The following LRRC37A2 variants were observed in gnomAD, a reference collection of about 807,000 sequenced individuals.
LRRC37A2 encodes the protein leucine rich repeat containing 37 member A2, also known as leucine-rich repeat-containing protein 37A2.
Under a neutral mutation model 68.8 loss-of-function variants are expected in LRRC37A2, and 9 were observed. The ratio of observed to expected loss-of-function variants is 0.13; its 90% confidence interval spans 0.08 to 0.23. LRRC37A2 has a LOEUF of 0.23. Ranked by LOEUF, LRRC37A2 falls within the 10% of genes least tolerant of loss-of-function variation. The pLI, the probability that LRRC37A2 is intolerant of heterozygous loss-of-function variation, is 1.00. For synonymous variants in LRRC37A2, 63 were observed against 367.6 expected (o/e 0.17, Z 9.48); for missense variants, 168 against 950.4 (o/e 0.18, Z 10.82).
the LRRC37A2 span, among the ~76,000 whole-genome samples, chr17:46,853,970 G>A: frequency 6.6e-6 from 1 of 152,058 alleles, no homozygotes; most frequent in Admixed American, 6.6e-5. Context: ...CCTTGAAAAT[G>A]ACATGTGAGA....
the LRRC37A2 span, among the ~76,000 whole-genome samples, chr17:46,967,304 G>T: frequency 2.0e-5 from 3 of 152,282 alleles, no homozygotes; most frequent in South Asian, 6.2e-4. Context: ...ACCCTTGCTG[G>T]GCTTCAGTTT....
At chr17:46,890,836 A>G in the LRRC37A2 span, among the ~76,000 whole-genome samples, 1 of 152,260 alleles carries the variant, frequency 6.6e-6, no homozygotes, top group Admixed American at 6.5e-5. Context: ...GGTTGGATGC[A>G]AGGAAGGAAG....
At chr17:46,862,291 C>T in the LRRC37A2 span, among the ~76,000 whole-genome samples, 2 of 152,002 alleles carry the variant, frequency 1.3e-5, no homozygotes, top group East Asian at 3.9e-4. Flanking sequence ...GGTAACGTAT[C>T]GTATATTCCA....
At chr17:46,815,787 C>G in the LRRC37A2 span, among the ~76,000 whole-genome samples, 478 of 152,300 alleles carry the variant, frequency 3.1e-3, 3 homozygotes, top group African/African-American at 0.011. Flanking sequence ...CCAGCTGTGC[C>G]CCCTGCAGCC....
the LRRC37A2 span, among the ~76,000 whole-genome samples, chr17:46,752,444 G>T: frequency 6.6e-6 from 1 of 152,046 alleles, no homozygotes; most frequent in African/African-American, 2.4e-5. Flanking sequence ...AAGGTGCTCA[G>T]TAAACTTTTA....
the LRRC37A2 span, among the ~76,000 whole-genome samples, chr17:47,038,972 G>A: frequency 2.1e-5 from 3 of 144,688 alleles, no homozygotes; most frequent in African/African-American, 7.4e-5. Flanking sequence ...GGGATTACAG[G>A]CCTGAGCCAC....
the LRRC37A2 span, among the ~76,000 whole-genome samples, chr17:46,715,529 TA>T: frequency 2.0e-5 from 3 of 152,236 alleles, no homozygotes; most frequent in Non-Finnish European, 4.4e-5. Context: ...TTGCAGATGG[TA>T]AATTACTCCA....
chr17:46,848,332 A>G, the LRRC37A2 span, among the ~76,000 whole-genome samples: 1 of 152,238 alleles, frequency 6.6e-6, no homozygotes, highest in African/African-American at 2.4e-5. Context: ...TAAAAAGGCC[A>G]CAAACCAGGG....
the LRRC37A2 span, chr17:46,978,570 A>T: frequency 1.3e-6 from 2 of 1,487,458 alleles, no homozygotes; most frequent in East Asian, 5.3e-5. Flanking sequence ...GGCAGAGCGC[A>T]GAGAGCGGGG....
exon 10 of LRRC37A2, chr17:46,549,306 A>G (rs1218307946): frequency 6.2e-7 from 1 of 1,608,238 alleles, no homozygotes; most frequent in Non-Finnish European, 8.5e-7. Context: ...ATAATACAAA[A>G]CACACAACTG....
At position 46,542,722 on chromosome 17, in the gene LRRC37A2, C is replaced by T. The variant is rs944100907; in HGVS notation, c.3053+1841C>T. Among the ~76,000 whole-genome samples, 42 of 149,992 alleles carry T rather than the reference C, an allele frequency of 2.8e-4. 2 individuals are homozygous for T. Among genetic ancestry groups the T allele is most frequent in the African/African-American group, 9.9e-4 (39 of 39,490 alleles). On this transcript the variant is annotated intron_variant, in intron 8 of 14. Coordinates refer to ENST00000576629, the Ensembl canonical transcript of LRRC37A2. Reference sequence around the variant, plus strand: ...ATATATATATATTTATATATATGTACGTGTATATATGTATATGTATGCCTG... The same window carrying T: ...ATATATATATATTTATATATATGTATGTGTATATATGTATATGTATGCCTG...
chr17:46,555,959 GA>G (rs2057250686), downstream of LRRC37A2: 1 of 198,652 alleles, frequency 5.0e-6, no homozygotes, highest in Non-Finnish European at 6.0e-6. Context: ...GGTGGCAGTG[GA>G]ACCAGCCGTG....
chr17:46,769,663 G>C, the LRRC37A2 span: 3 of 1,385,920 alleles, frequency 2.2e-6, no homozygotes, highest in Non-Finnish European at 3.0e-6. Flanking sequence ...CCTGGCCAAG[G>C]GGAAAAGGAG....
the LRRC37A2 span, chr17:47,017,349 C>G: frequency 1.9e-6 from 3 of 1,586,024 alleles, no homozygotes; most frequent in Non-Finnish European, 1.7e-6. Flanking sequence ...GACCTCTAAC[C>G]CCCTGGGGCC....
At chr17:46,946,683 T>G in the LRRC37A2 span, among the ~76,000 whole-genome samples, 1 of 151,634 alleles carries the variant, frequency 6.6e-6, no homozygotes, top group Admixed American at 6.6e-5. Context: ...GCCAACATGG[T>G]GAAACCCCGT....
At chr17:46,820,258 G>A in the LRRC37A2 span, among the ~76,000 whole-genome samples, 4 of 152,318 alleles carry the variant, frequency 2.6e-5, no homozygotes, top group African/African-American at 7.2e-5. Context: ...CAAGGGTCGG[G>A]AGAGCCGCCT....
the LRRC37A2 span, chr17:46,949,000 G>A: frequency 0.49 from 73,796 of 152,094 alleles, 17,905 homozygotes; most frequent in Middle Eastern, 0.56. Context: ...GAGAACAGAC[G>A]TGACCCACCT....
At chr17:46,800,928 G>A in the LRRC37A2 span, among the ~76,000 whole-genome samples, 2 of 152,216 alleles carry the variant, frequency 1.3e-5, no homozygotes, top group Non-Finnish European at 1.5e-5. Flanking sequence ...GTCATCCCAA[G>A]AGAAGGCAGG....
At chr17:46,957,866 C>T in the LRRC37A2 span, among the ~76,000 whole-genome samples, 1 of 152,128 alleles carries the variant, frequency 6.6e-6, no homozygotes, top group Non-Finnish European at 1.5e-5. Context: ...AGGATGAGCA[C>T]TCAGGGGAAA....
Sources: allele counts gnomAD v4.1 joint callset (sites outside exome capture counted in the v4.1 genomes callset), GRCh38; gene constraint gnomAD v4.1.1; transcripts MANE v1.5; gene names NCBI Gene and HGNC (gene_info 2026-07-23, HGNC 2026-07-21).